Variants in DPYD observed in about 807,000 individuals in gnomAD.
The protein encoded by DPYD is dihydropyrimidine dehydrogenase [NADP(+)].
Under a neutral mutation model 116.2 loss-of-function variants are expected in DPYD, and 109 were observed. The ratio of observed to expected loss-of-function variants is 0.94; its 90% confidence interval spans 0.80 to 1.10. DPYD has a LOEUF of 1.10. Ranked by LOEUF, DPYD falls within the 50% of genes least tolerant of loss-of-function variation. DPYD has a pLI of 0.00. For missense variants in DPYD, 1,302 were observed against 1,254.5 expected, an observed-to-expected ratio of 1.04 and a Z score of -0.57; for synonymous variants, 440 against 432.0, an observed-to-expected ratio of 1.02 and a Z score of -0.23.
chr1:97,511,829 A>T (rs1232752236), intron 13 of DPYD, among the ~76,000 whole-genome samples: 5 of 151,902 alleles, frequency 3.3e-5, no homozygotes, highest in African/African-American at 1.2e-4. Flanking sequence ...ATATTGTGTG[A>T]TACTTGCCCT....
chr1:97,677,351 T>C (rs1438566531), intron 8 of DPYD, among the ~76,000 whole-genome samples: 2 of 152,156 alleles, frequency 1.3e-5, no homozygotes, highest in Non-Finnish European at 2.9e-5. Flanking sequence ...TTTTAGTACA[T>C]TGGTGAATTT....
chr1:97,092,960 C>T lies in DPYD; in HGVS notation c.2766+5529G>A, dbSNP rs189302769. Among the ~76,000 whole-genome samples, 363 of 152,090 alleles carry T rather than the reference C, an allele frequency of 2.4e-3. 4 individuals carry two copies. The highest frequency in any genetic ancestry group is 8.4e-3 in the African/African-American group (349 of 41,504). On this transcript the variant is annotated intron_variant, in intron 21 of 22. Transcript: ENST00000370192. ...TGTTTCCATTACCATAGCCAATTAC[C>T]AAATCCAGGACCACATTATGGCATA...
intron 20 of DPYD, among the ~76,000 whole-genome samples, chr1:97,146,519 ATTTG>A (rs1171300269): frequency 6.6e-6 from 1 of 152,170 alleles, no homozygotes; most frequent in African/African-American, 2.4e-5. Flanking sequence ...ATTCAGGGTT[ATTTG>A]TTTGTTTGTT....
intron 14 of DPYD, among the ~76,000 whole-genome samples, chr1:97,429,871 G>A (rs1288575874): frequency 6.6e-6 from 1 of 152,052 alleles, no homozygotes; most frequent in Non-Finnish European, 1.5e-5. Flanking sequence ...ATGTGGAGAA[G>A]AGGGTTGTGG....
At chr1:97,148,001 A>G (rs1654752853) in intron 20 of DPYD, among the ~76,000 whole-genome samples, 1 of 152,150 alleles carries the variant, frequency 6.6e-6, no homozygotes, top group Admixed American at 6.5e-5. Context: ...GAAGGGAGAT[A>G]AGTGCAAGGC....
chr1:97,580,000 C>A (rs902166804), intron 10 of DPYD, among the ~76,000 whole-genome samples: 1 of 152,124 alleles, frequency 6.6e-6, no homozygotes, highest in East Asian at 1.9e-4. Flanking sequence ...TAATGATTAA[C>A]TTTATGTAAT....
rs541239887 is a variant in DPYD, at chr1:97,225,575, T to C, written c.2442+9277A>G. ...AAATCAGGTTGTTTTTTTTTTTTTT[T>C]TGCTTTTGAATTGTGAGAGCTCCTT... On this transcript the variant is annotated intron_variant, in intron 19 of 22. Transcript: ENST00000370192. Among the ~76,000 whole-genome samples, 16 of 151,252 alleles carry C rather than the reference T, an allele frequency of 1.1e-4. 1 individual carries two copies. The East Asian group carries it at 2.9e-3, about 27-fold the overall frequency.
chr1:97,746,454 C>A (rs947822763), intron 3 of DPYD, among the ~76,000 whole-genome samples: 3 of 152,086 alleles, frequency 2.0e-5, no homozygotes, highest in African/African-American at 7.2e-5. Context: ...AAACTTAGTA[C>A]ATATCACCTT....
At chr1:97,397,945 CTT>C (rs79054469) in intron 14 of DPYD, among the ~76,000 whole-genome samples, 27,943 of 146,932 alleles carry the variant, frequency 0.19, 2,710 homozygotes, top group South Asian at 0.37. Context: ...CACATGCTGT[CTT>C]TTTTTTTTTA....
intron 10 of DPYD, among the ~76,000 whole-genome samples, chr1:97,583,650 CTT>C (rs375866957): frequency 0.11 from 14,210 of 132,480 alleles, 715 homozygotes; most frequent in Middle Eastern, 0.16. Flanking sequence ...CTCGTATTTC[CTT>C]TTTTTTTTTT....
At chr1:97,394,888 A>C (rs1052023813) in intron 14 of DPYD, among the ~76,000 whole-genome samples, 19 of 152,204 alleles carry the variant, frequency 1.2e-4, no homozygotes, top group African/African-American at 4.6e-4. Context: ...GCTGACTTTG[A>C]AACAAATGGT....
At chr1:97,274,163 A>G (rs1557990664) in intron 18 of DPYD, among the ~76,000 whole-genome samples, 1 of 152,174 alleles carries the variant, frequency 6.6e-6, no homozygotes, top group Non-Finnish European at 1.5e-5. Context: ...ATCTAAATTC[A>G]AGGAACCTAG....
intron 20 of DPYD, among the ~76,000 whole-genome samples, chr1:97,099,853 C>A (rs548274152): frequency 1.3e-5 from 2 of 152,042 alleles, no homozygotes; most frequent in Non-Finnish European, 1.5e-5. Context: ...TAAACTTAAA[C>A]CATGTTCCAA....
Position 97,573,045 on chromosome 1 carries a change from T to C in DPYD, c.1339+715A>G, listed in dbSNP as rs72732328. On this transcript the variant is annotated intron_variant, in intron 11 of 22. Coordinates refer to ENST00000370192, the MANE Select transcript of DPYD (RefSeq NM_000110.4). ...ACAAAAGAGTTAATTGTCATTTCAA[T>C]AATGTGAATTAAAAGGTAAAAGGAT... Among the ~76,000 whole-genome samples, 736 of 152,126 alleles carry C rather than the reference T, an allele frequency of 4.8e-3. 11 individuals carry two copies. Among genetic ancestry groups the C allele is most frequent in the African/African-American group, 0.016 (682 of 41,564 alleles).
At chr1:97,389,844 A>G (rs1270540053) in intron 14 of DPYD, among the ~76,000 whole-genome samples, 1 of 143,810 alleles carries the variant, frequency 7.0e-6, no homozygotes, top group Non-Finnish European at 1.5e-5. Context: ...GTGAAAAACA[A>G]TGTGCAGATG....
At chr1:97,407,534 C>G (rs988920412) in intron 14 of DPYD, among the ~76,000 whole-genome samples, 1 of 152,134 alleles carries the variant, frequency 6.6e-6, no homozygotes, top group Non-Finnish European at 1.5e-5. Context: ...TGGCCAGAAA[C>G]TCATCAGCCT....
intron 13 of DPYD, among the ~76,000 whole-genome samples, chr1:97,486,711 G>A (rs1019416994): frequency 3.9e-5 from 6 of 151,970 alleles, no homozygotes; most frequent in African/African-American, 1.4e-4. Flanking sequence ...AAACTCCAAA[G>A]GCATTGGGAT....
chr1:97,838,907 C>A (rs1189757548), intron 2 of DPYD, among the ~76,000 whole-genome samples: 3 of 152,022 alleles, frequency 2.0e-5, no homozygotes, highest in African/African-American at 7.2e-5. Context: ...CTGAAGTTAA[C>A]ATAAACTTTT....
chr1:97,285,987 C>T (rs1405430350), intron 18 of DPYD, among the ~76,000 whole-genome samples: 1 of 152,114 alleles, frequency 6.6e-6, no homozygotes, highest in African/African-American at 2.4e-5. Flanking sequence ...TTATTTTGCT[C>T]ATTAATTGAT....
Sources: allele counts gnomAD v4.1 joint callset (sites outside exome capture counted in the v4.1 genomes callset), GRCh38; gene constraint gnomAD v4.1.1; transcripts MANE v1.5; gene names NCBI Gene and HGNC (gene_info 2026-07-23, HGNC 2026-07-21).